WIF1: variants seen among roughly 807,000 people sequenced by gnomAD.
WIF1 encodes Wnt inhibitory factor 1.
Under a neutral mutation model 53.5 loss-of-function variants are expected in WIF1, and 35 were observed. That is an observed-to-expected ratio of 0.65 (90% CI 0.50 to 0.87). The LOEUF is 0.87. WIF1 is among the 40% of genes least tolerant of loss of function. The pLI is 0.00. For missense variants in WIF1, 467 were observed against 476.8 expected, an observed-to-expected ratio of 0.98 and a Z score of 0.19; for synonymous variants, 171 against 170.4, an observed-to-expected ratio of 1.00 and a Z score of -0.03.
intron 7 of WIF1, 119 bp from the exon 8 acceptor site, chr12:65,056,245 A>G: frequency 1.2e-6 from 1 of 845,222 alleles, no homozygotes; most frequent in Non-Finnish European, 1.8e-6. Context: ...GGCAATTTTC[A>G]TTTATTTCAG....
chr12:65,114,807 A>G (rs1883484843), intron 2 of WIF1, among the ~76,000 whole-genome samples: 1 of 152,210 alleles, frequency 6.6e-6, no homozygotes, highest in Non-Finnish European at 1.5e-5. Flanking sequence ...GGCAGCAGAC[A>G]AAATTCTCCT....
rs1299520993 is a variant in WIF1 at position 65,055,176 on chromosome 12, G to C, written c.960C>G (p.Cys320Trp). The C allele has an allele frequency of 2.5e-6, 4 of 1,613,928 alleles. No homozygotes were observed. Among genetic ancestry groups the C allele is most frequent in the Admixed American group, 1.7e-5 (1 of 59,968 alleles). ...CEPGCGAHGT[C>W]HEPNKCQCQE... is the part of the protein sequence containing the mutation. Reference sequence around the variant, plus strand: ...GACATTGGCATTTGTTGGGTTCATGGCAGGTTCCATGTGCACCACAGCCAG... The same window carrying C: ...GACATTGGCATTTGTTGGGTTCATGCCAGGTTCCATGTGCACCACAGCCAG... The change falls in exon 9 of 10, where the codon TGC becomes TGG. Residue 320 changes from cysteine to tryptophan, a missense_variant. Transcript: ENST00000286574.
chr12:65,056,175 A>C, intron 7 of WIF1, 49 bp from the exon 8 acceptor site: 1 of 1,541,360 alleles, frequency 6.5e-7, no homozygotes, highest in Non-Finnish European at 8.9e-7. Flanking sequence ...TGCTTCATTC[A>C]GAGGTAATTA....
At chr12:65,055,486 A>C (rs1882509192) in intron 8 of WIF1, among the ~76,000 whole-genome samples, 1 of 152,228 alleles carries the variant, frequency 6.6e-6, no homozygotes, top group Non-Finnish European at 1.5e-5. Flanking sequence ...TTAAGAAAAC[A>C]CCTGGCTGGG....
intron 2 of WIF1, among the ~76,000 whole-genome samples, chr12:65,085,288 T>C (rs542971957): frequency 3.0e-4 from 45 of 152,304 alleles, no homozygotes; most frequent in East Asian, 1.2e-3. Context: ...ATAAGATATC[T>C]TGGGGATGGG....
chr12:65,093,845 C>A (rs979536328), intron 2 of WIF1, among the ~76,000 whole-genome samples: 2 of 152,090 alleles, frequency 1.3e-5, no homozygotes, highest in African/African-American at 2.4e-5. Flanking sequence ...AACTTCTAAG[C>A]CTTTGTTCTT....
chr12:65,119,781 G>A (rs958379736), intron 2 of WIF1, among the ~76,000 whole-genome samples: 7 of 152,108 alleles, frequency 4.6e-5, no homozygotes, highest in African/African-American at 1.7e-4. Flanking sequence ...ACATATAAAA[G>A]ATGCTAATGT....
chr12:65,072,328 G>T (rs186129512), intron 3 of WIF1, among the ~76,000 whole-genome samples: 3 of 152,174 alleles, frequency 2.0e-5, no homozygotes, highest in Admixed American at 1.3e-4. Context: ...AATAGTACTT[G>T]CTTTCTTTAG....
intron 2 of WIF1, among the ~76,000 whole-genome samples, chr12:65,110,662 A>G (rs1883416487): frequency 8.3e-6 from 1 of 120,170 alleles, no homozygotes; most frequent in African/African-American, 3.3e-5. Context: ...GGGAATCATA[A>G]TGAGACCTAC....
chr12:65,108,598 A>G (rs1883384529), intron 2 of WIF1, among the ~76,000 whole-genome samples: 1 of 152,134 alleles, frequency 6.6e-6, no homozygotes, highest in African/African-American at 2.4e-5. Context: ...ATTAACACCC[A>G]TGCTCAATAA....
chr12:65,090,571 G>A (rs1883107350), intron 2 of WIF1, among the ~76,000 whole-genome samples: 1 of 152,088 alleles, frequency 6.6e-6, no homozygotes, highest in Admixed American at 6.6e-5. Flanking sequence ...TGGGGGTCAG[G>A]AACAGCTTGC....
At chr12:65,082,138 G>T (rs937624042) in intron 2 of WIF1, among the ~76,000 whole-genome samples, 1 of 152,016 alleles carries the variant, frequency 6.6e-6, no homozygotes, top group African/African-American at 2.4e-5. Context: ...TTCTAGACAG[G>T]ACTTTCTGTT....
intron 2 of WIF1, chr12:65,095,678 G>T (rs1241709387): frequency 6.6e-6 from 1 of 152,032 alleles, no homozygotes; most frequent in Non-Finnish European, 1.5e-5. Context: ...AAATATCAGT[G>T]AGCTTGTTAG....
At chr12:65,076,250 C>T (rs939522716) in intron 3 of WIF1, among the ~76,000 whole-genome samples, 12 of 151,984 alleles carry the variant, frequency 7.9e-5, no homozygotes, top group East Asian at 3.9e-4. Context: ...TTGCCCAGGC[C>T]GGTCTTGAAC....
At chr12:65,113,904 A>C (rs1883470629) in intron 2 of WIF1, among the ~76,000 whole-genome samples, 1 of 152,212 alleles carries the variant, frequency 6.6e-6, no homozygotes, top group Non-Finnish European at 1.5e-5. Flanking sequence ...TCAGAAAATG[A>C]GGCATTTCCT....
intron 2 of WIF1, among the ~76,000 whole-genome samples, chr12:65,116,551 T>C (rs1883513469): frequency 1.3e-5 from 2 of 152,044 alleles, no homozygotes; most frequent in Non-Finnish European, 2.9e-5. Flanking sequence ...TTTCATTACA[T>C]ATTACAATGT....
Position 65,051,301 on chromosome 12 carries a change from C to T in WIF1, c.*48G>A. 6.3e-7 allele frequency: 1 copy of T among 1,578,156 alleles called. No homozygotes were observed. Among genetic ancestry groups the T allele is most frequent in the Non-Finnish European group, 8.6e-7 (1 of 1,161,518 alleles). On this transcript the variant is annotated 3_prime_UTR_variant, in exon 10 of 10. Coordinates refer to ENST00000286574, the MANE Select transcript of WIF1 (RefSeq NM_007191.5). ...GAACATTCAACACATGAAAGGTTAA[C>T]AAAGGCTATGAACTTGGTGTAACTT...
rs10584146 is a variant in WIF1 at position 65,056,366 on chromosome 12, C to CTTTTTTTTTTTTTT, written c.827-254_827-241dup. Among the ~76,000 whole-genome samples, 2 of 24,264 alleles carry CTTTTTTTTTTTTTT rather than the reference C, an allele frequency of 8.2e-5. 1 individual carries two copies. The highest frequency in any genetic ancestry group is 1.6e-4 in the Non-Finnish European group (2 of 12,430). The allele number at this position is 24,264 out of a possible 152,430, so 15.9% of individuals were successfully genotyped here. On this transcript the variant is annotated intron_variant, in intron 7 of 9. Coordinates refer to ENST00000286574, the MANE Select transcript of WIF1 (RefSeq NM_007191.5). ...GTTGCCAAAATGCTGCATTTATATCCTTTTTTTTTTTTTTTTTTTTTTTTT... is the reference window on the plus strand; with the variant it reads ...GTTGCCAAAATGCTGCATTTATATCCTTTTTTTTTTTTTTTTTTTTTTTTTTTTTTTTTTTTTTT...
intron 2 of WIF1, among the ~76,000 whole-genome samples, chr12:65,080,268 G>A (rs1285175957): frequency 6.6e-6 from 1 of 152,150 alleles, no homozygotes; most frequent in East Asian, 1.9e-4. Flanking sequence ...AGTTCCCTAG[G>A]TGGGTAACAA....
Sources: gnomAD v4.1 joint callset for allele counts (sites outside exome capture counted in the v4.1 genomes callset) on GRCh38, gnomAD v4.1.1 for gene constraint, MANE v1.5 for transcripts, NCBI Gene and HGNC (gene_info 2026-07-23, HGNC 2026-07-21) for gene names.